The following C22orf31 variants were observed in gnomAD, a reference collection of about 807,000 sequenced individuals.
C22orf31 encodes the protein chromosome 22 open reading frame 31.
Under a neutral mutation model 15.0 loss-of-function variants are expected in C22orf31, and 11 were observed. The ratio of observed to expected loss-of-function variants is 0.73; its 90% CI spans 0.46 to 1.21. C22orf31 has a LOEUF of 1.21. C22orf31 is among the 50% of genes most tolerant of loss of function. The pLI is 0.00. For missense variants in C22orf31, 340 were observed against 347.2 expected (o/e 0.98, Z 0.17); for synonymous variants, 132 against 133.3 (o/e 0.99, Z 0.07).
intron 1 of C22orf31, among the ~76,000 whole-genome samples, chr22:29,061,489 C>T (rs1429255287): frequency 6.6e-6 from 1 of 152,120 alleles, no homozygotes; most frequent in African/African-American, 2.4e-5. Context: ...TGGCCTCGAA[C>T]TCCCCACCTC....
At chr22:29,068,176 G>A in the C22orf31 span, among the ~76,000 whole-genome samples, 2 of 148,628 alleles carry the variant, frequency 1.3e-5, no homozygotes, top group Non-Finnish European at 3.0e-5. Context: ...CTGTCTCCCG[G>A]GTTCAAGTGA....
At chr22:29,059,760 T>TTG (rs111812934) in intron 2 of C22orf31, 19,920 of 941,354 alleles carry the variant, frequency 0.021, 66 homozygotes, top group Middle Eastern at 0.032. Context: ...TGACCACTGG[T>TTG]TGTGTGTGTG....
chr22:29,060,271 G>T, intron 2 of C22orf31, 144 bp downstream of exon 2: 1 of 724,776 alleles, frequency 1.4e-6, no homozygotes, highest in East Asian at 2.7e-5. Flanking sequence ...GAGCTCAAGT[G>T]ATCCTCCCTG....
upstream of C22orf31, among the ~76,000 whole-genome samples, chr22:29,064,364 C>A (rs1190517041): frequency 2.6e-5 from 4 of 152,214 alleles, no homozygotes; most frequent in Non-Finnish European, 5.9e-5. Flanking sequence ...ATTCATACCC[C>A]TGAACCTTAA....
chr22:29,060,327 A>G lies in C22orf31; in HGVS notation c.432+88T>C, dbSNP rs1601730847. ...AGATTATAGGCGGTAGCCGCACGCC[A>G]TATAATCTCAACCGTTAAGTGTTCT... On this transcript the variant is annotated intron_variant, in intron 2 of 2. Transcript: ENST00000216071. 3.2e-6 allele frequency: 4 copies of G among 1,237,406 alleles called. No homozygotes were observed. In the South Asian group the frequency reaches 4.3e-5, roughly 13 times the overall value. The allele number at this position is 1,237,406 out of a possible 1,614,324, so 76.7% of individuals were successfully genotyped here. A position where few individuals can be genotyped will look rare whatever the true frequency, so the allele number is the denominator to read the frequency against.
At position 29,058,709 on chromosome 22, in the gene C22orf31, C is replaced by G. The variant is rs751497062; in HGVS notation, c.*33G>C. On this transcript the variant is annotated 3_prime_UTR_variant, in exon 3 of 3. Coordinates refer to ENST00000216071, the MANE Select transcript of C22orf31 (RefSeq NM_015370.2). ...TTGTGTTTATTTTTCAGATCTCTAG[C>G]AGAGAATACTCTAATCCCATGAGTT... The G allele has an allele frequency of 6.7e-7, 1 of 1,500,320 alleles. No homozygotes were observed. Among genetic ancestry groups the G allele is most frequent in the Non-Finnish European group, 9.1e-7 (1 of 1,101,840 alleles). 92.9% of individuals were successfully genotyped at this position (1,500,320 alleles called of 1,614,324 possible).
At chr22:29,059,605 G>C in intron 2 of C22orf31, 1 of 768,456 alleles carries the variant, frequency 1.3e-6, no homozygotes, top group African/African-American at 1.9e-5. Flanking sequence ...AAGAAATTAA[G>C]CCCGAGGTCG....
At chr22:29,073,427 C>T in the C22orf31 span, among the ~76,000 whole-genome samples, 2 of 152,184 alleles carry the variant, frequency 1.3e-5, no homozygotes, top group African/African-American at 2.4e-5. This position sits in a 1 kb window ranked among gnomAD's most constrained non-coding sequence, Gnocchi z 4.4. Context: ...ATCGACGCCC[C>T]CGGGCCCGGT....
the C22orf31 span, among the ~76,000 whole-genome samples, chr22:29,069,943 C>CTTTT: frequency 5.2e-5 from 5 of 96,526 alleles, no homozygotes; most frequent in African/African-American, 8.6e-5. Flanking sequence ...TCTTGAAATT[C>CTTTT]TTTTTTTTTT....
the C22orf31 span, among the ~76,000 whole-genome samples, chr22:29,068,789 G>A: frequency 7.5e-6 from 1 of 132,812 alleles, no homozygotes; most frequent in Non-Finnish European, 1.6e-5. Flanking sequence ...TTTTGAGATG[G>A]AGTCTTGGTC....
At chr22:29,063,455 T>C (rs1028722178), upstream of C22orf31, among the ~76,000 whole-genome samples, 3 of 152,148 alleles carry the variant, frequency 2.0e-5, no homozygotes, top group African/African-American at 7.2e-5. Flanking sequence ...CGTGAGCCTG[T>C]GCTCAGCCTC....
chr22:29,062,282 T>C (rs1017009372), upstream of C22orf31, among the ~76,000 whole-genome samples: 1 of 152,106 alleles, frequency 6.6e-6, no homozygotes, highest in Non-Finnish European at 1.5e-5. Context: ...CCCTCCTTCA[T>C]GTACATAAAG....
chr22:29,064,504 T>G (rs929011727), upstream of C22orf31, among the ~76,000 whole-genome samples: 1 of 151,862 alleles, frequency 6.6e-6, no homozygotes, highest in African/African-American at 2.4e-5. Flanking sequence ...AATGAATATT[T>G]GCTTTTTTGT....
At chr22:29,061,096 G>A (rs2037386239) in intron 1 of C22orf31, among the ~76,000 whole-genome samples, 1 of 152,070 alleles carries the variant, frequency 6.6e-6, no homozygotes. Context: ...GCAGGAAGTC[G>A]GGGGTCAGGG....
rs1460293566 is a variant in C22orf31 at position 29,058,716 on chromosome 22, T to C, written c.*26A>G. 7.8e-6 allele frequency: 12 copies of C among 1,535,390 alleles called. No homozygotes were observed. Among genetic ancestry groups the C allele is most frequent in the Non-Finnish European group, 6.2e-6 (7 of 1,128,054 alleles). ...TATTTTTCAGATCTCTAGCAGAGAA[T>C]ACTCTAATCCCATGAGTTCTTGTTC... On this transcript the variant is annotated 3_prime_UTR_variant, in exon 3 of 3. Coordinates refer to ENST00000216071, the MANE Select transcript of C22orf31 (RefSeq NM_015370.2).
the C22orf31 span, among the ~76,000 whole-genome samples, chr22:29,071,074 TC>T: frequency 6.6e-6 from 1 of 151,892 alleles, no homozygotes; most frequent in Non-Finnish European, 1.5e-5. Flanking sequence ...ATAAGGGTTC[TC>T]AGGTCCGGTG....
upstream of C22orf31, among the ~76,000 whole-genome samples, chr22:29,063,301 G>A (rs772878382): frequency 1.3e-5 from 2 of 152,096 alleles, no homozygotes; most frequent in African/African-American, 2.4e-5. Flanking sequence ...AAGACGCTGG[G>A]ATTACAGGCG....
intron 2 of C22orf31, among the ~76,000 whole-genome samples, 197 bp downstream of exon 2, chr22:29,060,218 G>C (rs2037373351): frequency 6.9e-6 from 1 of 144,090 alleles, no homozygotes; most frequent in Non-Finnish European, 1.5e-5. Flanking sequence ...TTTTAGTAGA[G>C]ATGAGGTCTC....
the C22orf31 span, among the ~76,000 whole-genome samples, chr22:29,067,781 T>C: frequency 6.6e-6 from 1 of 152,186 alleles, no homozygotes; most frequent in Non-Finnish European, 1.5e-5. Flanking sequence ...CTGGCTTTCT[T>C]GTTGCCCAGG....
Sources: allele counts gnomAD v4.1 joint callset (sites outside exome capture counted in the v4.1 genomes callset), GRCh38; gene constraint gnomAD v4.1.1; non-coding constraint Gnocchi (gnomAD v3.1); transcripts MANE v1.5; gene names NCBI Gene and HGNC (gene_info 2026-07-23, HGNC 2026-07-21).